PRKN: variants seen among roughly 807,000 people sequenced by gnomAD.
PRKN encodes the protein E3 ubiquitin-protein ligase parkin.
In PRKN, 56 loss-of-function variants were observed where a neutral mutation model predicts 59.5. The ratio of observed to expected loss-of-function variants is 0.94; its 90% CI spans 0.76 to 1.18. The LOEUF (loss-of-function observed/expected upper bound fraction) is 1.18. Among genes scored for constraint, PRKN ranks in the 50% most tolerant of loss-of-function variants. PRKN has a pLI of 0.00. For synonymous variants in PRKN, 250 were observed against 222.1 expected (o/e 1.13, Z -1.12); for missense variants, 657 against 596.4 (o/e 1.10, Z -1.06).
intron 1 of PRKN, among the ~76,000 whole-genome samples, chr6:162,679,845 A>T (rs1562491662): frequency 6.6e-6 from 1 of 152,154 alleles, no homozygotes; most frequent in Non-Finnish European, 1.5e-5. Context: ...ATGAAACTTT[A>T]AAAATGAAGA....
intron 4 of PRKN, among the ~76,000 whole-genome samples, chr6:162,142,565 GA>G (rs1011497806): frequency 1.3e-5 from 2 of 152,036 alleles, no homozygotes; most frequent in African/African-American, 4.8e-5. Context: ...TGACCCCCTG[GA>G]TTTTTTATTT....
intron 4 of PRKN, among the ~76,000 whole-genome samples, chr6:162,125,261 C>T (rs910221254): frequency 5.3e-5 from 8 of 152,158 alleles, no homozygotes; most frequent in African/African-American, 1.4e-4. Flanking sequence ...CGGAGCTCCA[C>T]GAATAACTGC....
At chr6:162,451,849 G>A (rs998890126) in intron 1 of PRKN, among the ~76,000 whole-genome samples, 9 of 152,086 alleles carry the variant, frequency 5.9e-5, no homozygotes, top group African/African-American at 2.2e-4. Context: ...ATTTTAATAT[G>A]TGATGAAATA....
intron 6 of PRKN, among the ~76,000 whole-genome samples, chr6:161,935,625 A>C: frequency 6.6e-6 from 1 of 152,138 alleles, no homozygotes; most frequent in East Asian, 1.9e-4. Flanking sequence ...CTATCAGAGC[A>C]ACATGAATTC....
chr6:162,158,133 C>T (rs1263884399), intron 4 of PRKN, among the ~76,000 whole-genome samples: 3 of 151,942 alleles, frequency 2.0e-5, no homozygotes, highest in African/African-American at 7.3e-5. Flanking sequence ...TAATACAAGG[C>T]TGTTAAATAA....
intron 4 of PRKN, among the ~76,000 whole-genome samples, chr6:162,135,516 GA>G (rs1781531114): frequency 6.6e-6 from 1 of 152,074 alleles, no homozygotes; most frequent in Admixed American, 6.6e-5. Context: ...TGAGGCAACA[GA>G]AAGAGAAAAA....
intron 2 of PRKN, among the ~76,000 whole-genome samples, chr6:162,348,407 C>T (rs1471124069): frequency 6.6e-6 from 1 of 152,058 alleles, no homozygotes; most frequent in Non-Finnish European, 1.5e-5. Flanking sequence ...AAGCATAAGT[C>T]ACAATATCTG....
chr6:161,398,765 T>C (rs1786894784), intron 9 of PRKN, among the ~76,000 whole-genome samples: 1 of 152,144 alleles, frequency 6.6e-6, no homozygotes, highest in Non-Finnish European at 1.5e-5. Flanking sequence ...GTCAGCTGTG[T>C]CCTGATCATA....
In PRKN at chr6:161,369,683, T is replaced by TG. The variant is rs907331944; in HGVS notation, c.1168-9479dup. ...TGTGTGTACGCACGCGTGGTGGAGG[T>TG]GGGGGTGGAACAGGACAAGTCTCTC... is the stretch of plus-strand genomic sequence containing the variant. On this transcript the variant is annotated intron_variant, in intron 10 of 11. Transcript: ENST00000366898. This position sits in a 1 kb window ranked among gnomAD's most constrained non-coding sequence, Gnocchi z 5.8. 6.6e-6 allele frequency among the ~76,000 whole-genome samples: 1 copy of TG among 151,320 alleles called. No individual in the cohort carries two copies. The highest frequency in any genetic ancestry group is 2.1e-4 in the South Asian group (1 of 4,774).
chr6:161,694,977 G>A (rs758697883), intron 7 of PRKN, among the ~76,000 whole-genome samples: 14 of 152,036 alleles, frequency 9.2e-5, no homozygotes, highest in East Asian at 1.9e-4. Flanking sequence ...AATTGTCCTC[G>A]GTGGGACCCA....
rs1779024466 is a variant in PRKN at position 161,526,572 on chromosome 6, T to C, written c.1083+22282A>G. ...TAAAATAGAAATATTAAAATATATA[T>C]ATAAATATAAGTAATATAAATAAAT... On this transcript the variant is annotated intron_variant, in intron 9 of 11. Transcript: ENST00000366898. This position sits in a 1 kb window ranked among gnomAD's most constrained non-coding sequence, Gnocchi z 4.1. Among the ~76,000 whole-genome samples, 1 of 148,996 alleles carries C rather than the reference T, an allele frequency of 6.7e-6. No individual in the cohort carries two copies. Among genetic ancestry groups the C allele is most frequent in the Non-Finnish European group, 1.5e-5 (1 of 67,340 alleles).
At chr6:162,716,644 A>G (rs1382254297) in intron 1 of PRKN, among the ~76,000 whole-genome samples, 1 of 152,204 alleles carries the variant, frequency 6.6e-6, no homozygotes. Flanking sequence ...GCAATGCACT[A>G]TGGGAGTCCA....
chr6:162,158,583 C>A (rs1319439291), intron 4 of PRKN, among the ~76,000 whole-genome samples: 1 of 151,986 alleles, frequency 6.6e-6, no homozygotes, highest in East Asian at 1.9e-4. Flanking sequence ...ACTTGTGCAC[C>A]AGCACGCCTG....
At chr6:161,617,701 C>T (rs930636007) in intron 7 of PRKN, among the ~76,000 whole-genome samples, 2 of 151,974 alleles carry the variant, frequency 1.3e-5, no homozygotes, top group Non-Finnish European at 2.9e-5. Flanking sequence ...TTCTCATATC[C>T]AACATAAGTG....
chr6:162,618,087 C>A (rs564977482), intron 1 of PRKN, among the ~76,000 whole-genome samples: 1 of 152,236 alleles, frequency 6.6e-6, no homozygotes, highest in South Asian at 2.1e-4. Context: ...TCTTTAGTGT[C>A]TTTATACTTT....
In PRKN at chr6:162,469,345, GT is replaced by G. The variant is rs1224787901; in HGVS notation, c.8-25873del. Reference sequence around the variant, plus strand: ...TGTGGAATGTTAAGAAAGTGGGGGGGTTGCAGGGGGGGGTGGGTGACAGAGG... The same window carrying G: ...TGTGGAATGTTAAGAAAGTGGGGGGGTGCAGGGGGGGGTGGGTGACAGAGG... On this transcript the variant is annotated intron_variant, in intron 1 of 11. Coordinates refer to ENST00000366898, the MANE Select transcript of PRKN (RefSeq NM_004562.3). Among the ~76,000 whole-genome samples, 452 of 140,194 alleles carry G rather than the reference GT, an allele frequency of 3.2e-3. 8 individuals carry two copies. The highest frequency in any genetic ancestry group is 7.4e-3 in the Middle Eastern group (2 of 272). The allele number at this position is 140,194 out of a possible 152,430, so 92.0% of individuals were successfully genotyped here.
intron 4 of PRKN, among the ~76,000 whole-genome samples, chr6:162,136,474 A>G (rs1651730737): frequency 6.6e-6 from 1 of 152,202 alleles, no homozygotes; most frequent in African/African-American, 2.4e-5. Context: ...CTGCTAAGCG[A>G]TATGTGTTGG....
chr6:161,919,392 T>C (rs905692491), intron 6 of PRKN, among the ~76,000 whole-genome samples: 1 of 152,182 alleles, frequency 6.6e-6, no homozygotes, highest in Admixed American at 6.5e-5. Context: ...CGAAAAACTT[T>C]TTAGGGTTTA....
At chr6:161,881,510 C>T (rs1157861225) in intron 6 of PRKN, among the ~76,000 whole-genome samples, 3 of 152,200 alleles carry the variant, frequency 2.0e-5, no homozygotes, top group African/African-American at 7.2e-5. Context: ...ATGAATCCCA[C>T]TGCAAATATG....
Sources: allele counts gnomAD v4.1 joint callset (sites outside exome capture counted in the v4.1 genomes callset), GRCh38; gene constraint gnomAD v4.1.1; non-coding constraint Gnocchi (gnomAD v3.1); transcripts MANE v1.5; gene names NCBI Gene and HGNC (gene_info 2026-07-23, HGNC 2026-07-21).